Variants in ITGB6 observed in about 807,000 individuals in gnomAD.
The protein encoded by ITGB6 is integrin beta-6.
Under a neutral mutation model 84.5 loss-of-function variants are expected in ITGB6, and 80 were observed. The observed-to-expected ratio is 0.95, with a 90% CI of 0.79 to 1.14. ITGB6 has a LOEUF of 1.14. ITGB6 is among the 50% of genes most tolerant of loss of function. The pLI is 0.00. For synonymous variants in ITGB6, 383 were observed against 354.9 expected (o/e 1.08, Z -0.89); for missense variants, 1,006 against 968.0 (o/e 1.04, Z -0.52).
In ITGB6 at chr2:160,169,200, A is replaced by G; in HGVS notation, c.1017+12T>C. On this transcript the variant is annotated intron_variant, in intron 7 of 14. Transcript: ENST00000283249. ...TCTCCTTGAAGGAATTTCCCAAGTT[A>G]TTTTTGCTTACCTCATATAAATGAA... is the stretch of plus-strand genomic sequence containing the variant. The G allele has an allele frequency of 2.0e-6, 3 of 1,513,312 alleles. No individual in the cohort carries two copies. Among genetic ancestry groups the G allele is most frequent in the Non-Finnish European group, 2.7e-6 (3 of 1,105,504 alleles). 93.7% of individuals were successfully genotyped at this position (1,513,312 alleles called of 1,614,324 possible). A position where few individuals can be genotyped will look rare whatever the true frequency, so the allele number is the denominator to read the frequency against.
chr2:160,103,193 CT>C (rs2105767699), intron 14 of ITGB6, among the ~76,000 whole-genome samples: 1 of 152,154 alleles, frequency 6.6e-6, no homozygotes, highest in Non-Finnish European at 1.5e-5. Context: ...GAAAAAAAAC[CT>C]TAATTGTCTT....
At chr2:160,176,658 T>C (rs1685430572) in intron 4 of ITGB6, among the ~76,000 whole-genome samples, 1 of 152,200 alleles carries the variant, frequency 6.6e-6, no homozygotes, top group Admixed American at 6.5e-5. Context: ...ATAAATATGA[T>C]TGTCATTTCT....
intron 4 of ITGB6, among the ~76,000 whole-genome samples, chr2:160,183,664 C>T (rs1430288765): frequency 6.6e-6 from 1 of 152,158 alleles, no homozygotes; most frequent in Non-Finnish European, 1.5e-5. Flanking sequence ...CAGAACTCTG[C>T]ACCCCAAATC....
chr2:160,121,395 G>A (rs1683032689), intron 12 of ITGB6, among the ~76,000 whole-genome samples: 1 of 152,128 alleles, frequency 6.6e-6, no homozygotes, highest in South Asian at 2.1e-4. Context: ...ATTACCAGGG[G>A]CGCCTTTTTC....
At chr2:160,185,871 A>C (rs1559220337) in intron 4 of ITGB6, among the ~76,000 whole-genome samples, 3 of 152,240 alleles carry the variant, frequency 2.0e-5, no homozygotes, top group African/African-American at 7.2e-5. Context: ...AGCAATGGGG[A>C]AAGGATTCCC....
intron 7 of ITGB6, among the ~76,000 whole-genome samples, chr2:160,155,829 T>C (rs759342376): frequency 6.6e-6 from 1 of 152,140 alleles, no homozygotes; most frequent in Non-Finnish European, 1.5e-5. Context: ...GTATGTGAAG[T>C]GTTCAACATC....
intron 12 of ITGB6, among the ~76,000 whole-genome samples, chr2:160,115,723 G>A (rs1574043402): frequency 6.6e-6 from 1 of 152,310 alleles, no homozygotes; most frequent in Middle Eastern, 3.4e-3. Context: ...CGAGCTACAG[G>A]AGGAAATTCA....
Position 160,101,054 on chromosome 2 carries a change from T to C in ITGB6, c.*682A>G, listed in dbSNP as rs1048405682. Reference sequence around the variant, plus strand: ...GGTAATTTAAAAATAAGCTATATGATAGGGTTGTTATCTTTTTATTTTTAT... The same window carrying C: ...GGTAATTTAAAAATAAGCTATATGACAGGGTTGTTATCTTTTTATTTTTAT... On this transcript the variant is annotated 3_prime_UTR_variant, in exon 15 of 15. Transcript: ENST00000283249. The C allele has an allele frequency of 3.3e-5, 5 of 152,224 alleles. No individual in the cohort carries two copies. Among genetic ancestry groups the C allele is most frequent in the African/African-American group, 1.2e-4 (5 of 41,470 alleles). 9.4% of individuals were successfully genotyped at this position (152,224 alleles called of 1,614,324 possible).
At chr2:160,185,981 T>G (rs1264186685) in intron 4 of ITGB6, among the ~76,000 whole-genome samples, 1 of 151,996 alleles carries the variant, frequency 6.6e-6, no homozygotes, top group Non-Finnish European at 1.5e-5. Flanking sequence ...CAAGATGGAT[T>G]AAAGACATAA....
chr2:160,186,700 C>A (rs541915463), intron 4 of ITGB6, among the ~76,000 whole-genome samples: 13 of 152,172 alleles, frequency 8.5e-5, no homozygotes, highest in African/African-American at 3.1e-4. Flanking sequence ...AAATAGCAAA[C>A]ACTTGGAACC....
At chr2:160,150,070 AG>A (rs1684351930) in intron 7 of ITGB6, among the ~76,000 whole-genome samples, 1 of 152,216 alleles carries the variant, frequency 6.6e-6, no homozygotes, top group Admixed American at 6.5e-5. Flanking sequence ...CAACATAGCA[AG>A]GTAGGCCAAC....
chr2:160,125,732 T>A (rs1683212810), intron 11 of ITGB6, among the ~76,000 whole-genome samples: 1 of 152,236 alleles, frequency 6.6e-6, no homozygotes, highest in South Asian at 2.1e-4. Flanking sequence ...GGAGGCTCGC[T>A]TCACTTGACC....
At chr2:160,124,050 G>C (rs1363289821) in intron 11 of ITGB6, among the ~76,000 whole-genome samples, 162 bp from the exon 12 acceptor site, 1 of 152,198 alleles carries the variant, frequency 6.6e-6, no homozygotes, top group Non-Finnish European at 1.5e-5. Context: ...TAATGTCCAA[G>C]TGAACACTGA....
At chr2:160,184,834 T>C (rs570494832) in intron 4 of ITGB6, among the ~76,000 whole-genome samples, 3 of 152,112 alleles carry the variant, frequency 2.0e-5, no homozygotes, top group Non-Finnish European at 2.9e-5. Flanking sequence ...CATACATAAA[T>C]CAATAAACAT....
rs1574149932 is a variant in ITGB6, at chr2:160,195,438, C to A, written c.524G>T (p.Gly175Val). The A allele has an allele frequency of 1.9e-6, 3 of 1,614,192 alleles. No individual in the cohort carries two copies. Among genetic ancestry groups the A allele is most frequent in the Non-Finnish European group, 2.5e-6 (3 of 1,180,020 alleles). Residue 175 changes from glycine (G) to valine (V), a missense_variant, in exon 4 of 15, where the codon GGA (glycine) becomes GTA (valine). Gly to Val is a moderately radical substitution (Grantham distance 109). Coordinates refer to ENST00000283249, the MANE Select transcript of ITGB6 (RefSeq NM_000888.5). The stretch of plus-strand genomic sequence containing the variant: ...GGATACAGGTTTTTCCACAAAAGAT[C>A]CGAAGCCCAGTCTAAAGTTGCTGGT... ...KLTSNFRLGF[G>V]SFVEKPVSPF...
At chr2:160,178,377 G>T (rs1487881456) in intron 4 of ITGB6, among the ~76,000 whole-genome samples, 2 of 152,206 alleles carry the variant, frequency 1.3e-5, no homozygotes, top group Non-Finnish European at 2.9e-5. Context: ...TGGGGCTACT[G>T]GTTCATACCA....
At chr2:160,179,390 CTTTT>C (rs71297445) in intron 4 of ITGB6, among the ~76,000 whole-genome samples, 2 of 131,162 alleles carry the variant, frequency 1.5e-5, no homozygotes, top group Non-Finnish European at 3.3e-5. Flanking sequence ...TTTTCTTTTT[CTTTT>C]TTTTTTTTTT....
At chr2:160,169,791 A>G in intron 6 of ITGB6, among the ~76,000 whole-genome samples, 1 of 152,230 alleles carries the variant, frequency 6.6e-6, no homozygotes, top group East Asian at 1.9e-4. Flanking sequence ...GAGGTATGAC[A>G]TACTATGACA....
chr2:160,112,836 A>G (rs1322553713), intron 12 of ITGB6, among the ~76,000 whole-genome samples: 1 of 152,108 alleles, frequency 6.6e-6, no homozygotes, highest in African/African-American at 2.4e-5. Flanking sequence ...AATCTTTTCC[A>G]AGTGGGAATT....
Sources: allele counts gnomAD v4.1 joint callset (sites outside exome capture counted in the v4.1 genomes callset), GRCh38; gene constraint gnomAD v4.1.1; transcripts MANE v1.5; gene names NCBI Gene and HGNC (gene_info 2026-07-23, HGNC 2026-07-21).